The following LARP6 variants were observed in gnomAD, a reference collection of about 807,000 sequenced individuals.
LARP6 encodes la-related protein 6.
In LARP6, 18 loss-of-function variants were observed where a neutral mutation model predicts 32.8. The observed-to-expected ratio is 0.55, with a 90% CI of 0.38 to 0.81. The LOEUF (loss-of-function observed/expected upper bound fraction) is 0.81, where lower values mean the gene tolerates loss of function less well. Among genes scored for constraint, LARP6 ranks in the 40% least tolerant of loss-of-function variants. The pLI is 0.00. For missense variants in LARP6, 598 were observed against 663.1 expected, an observed-to-expected ratio of 0.90 and a Z score of 1.08; for synonymous variants, 289 against 267.2, an observed-to-expected ratio of 1.08 and a Z score of -0.80.
intron 1 of LARP6, chr15:70,851,595 G>A (rs757819479): frequency 6.3e-7 from 1 of 1,597,592 alleles, no homozygotes; most frequent in Admixed American, 1.7e-5. Context: ...ACACCATTGA[G>A]TGAGTGTGAT....
At chr15:70,843,082 A>T (rs978775766) in intron 1 of LARP6, among the ~76,000 whole-genome samples, 1 of 152,108 alleles carries the variant, frequency 6.6e-6, no homozygotes, top group Non-Finnish European at 1.5e-5. Context: ...TGTGACAATC[A>T]TTTATCTTCC....
intron 1 of LARP6, among the ~76,000 whole-genome samples, chr15:70,845,538 C>A (rs981571695): frequency 6.6e-6 from 1 of 152,170 alleles, no homozygotes; most frequent in African/African-American, 2.4e-5. Context: ...TGGATGCTAA[C>A]CTTGATCACC....
chr15:70,838,178 T>A (rs2032182243), intron 1 of LARP6, among the ~76,000 whole-genome samples: 1 of 152,226 alleles, frequency 6.6e-6, no homozygotes. Flanking sequence ...ATTTTGAATT[T>A]TTTGATTAAG....
chr15:70,839,516 G>C (rs2032212545), intron 1 of LARP6, among the ~76,000 whole-genome samples: 1 of 152,010 alleles, frequency 6.6e-6, no homozygotes, highest in Non-Finnish European at 1.5e-5. Context: ...TGTTAAAATG[G>C]GATGATAAAA....
At chr15:70,835,733 T>C (rs944119384) in intron 2 of LARP6, among the ~76,000 whole-genome samples, 1 of 152,210 alleles carries the variant, frequency 6.6e-6, no homozygotes, top group Non-Finnish European at 1.5e-5. Flanking sequence ...ACTGGATCTA[T>C]ATATGGCAGG....
At position 70,832,520 on chromosome 15, in the gene LARP6, G is replaced by A. The variant is rs552397409; in HGVS notation, c.1008C>T (p.Ala336=). Residue 336 remains alanine, a synonymous_variant, in exon 3 of 3, where the codon GCC becomes GCT. Transcript: ENST00000299213. ...TGCTCTCGGGGTCAGAGGAGCTGTT[G>A]GCAGAAGACTCATCACCCATGTACT... ...ELQYMGDESS[A]NSSSDPESNP... The A allele has an allele frequency of 2.6e-6, 4 of 1,542,876 alleles. No homozygotes were observed. Among genetic ancestry groups the A allele is most frequent in the Admixed American group, 2.1e-5 (1 of 47,924 alleles).
chr15:70,854,131 G>A lies in LARP6; in HGVS notation c.-43C>T. On this transcript the variant is annotated 5_prime_UTR_variant, in exon 1 of 3. Coordinates refer to ENST00000299213, the MANE Select transcript of LARP6 (RefSeq NM_018357.4). ...CGCCGCCGGGGTCCTCACGCCGCAA[G>A]GCCCAGCCAGCCGGTCGGCAGCGAC... is the stretch of plus-strand genomic sequence containing the variant. 1 of 1,208,398 alleles carries A rather than the reference G, an allele frequency of 8.3e-7. No individual in the cohort carries two copies. Among genetic ancestry groups the A allele is most frequent in the Non-Finnish European group, 1.0e-6 (1 of 969,408 alleles). 74.9% of individuals were successfully genotyped at this position (1,208,398 alleles called of 1,614,324 possible). A position where few individuals can be genotyped will look rare whatever the true frequency, so the allele number is the denominator to read the frequency against.
Position 70,836,403 on chromosome 15 carries a change from T to C in LARP6, c.303A>G (p.Glu101=). 6.2e-7 allele frequency: 1 copy of C among 1,614,124 alleles called. No homozygotes were observed. The highest frequency in any genetic ancestry group is 8.5e-7 in the Non-Finnish European group (1 of 1,179,984). ...ELIKKLVDQI[E]FYFSDENLEK... Reference sequence around the variant, plus strand: ...CCAGGTTTTCATCAGAAAAGTAGAATTCGATCTGATCCACCAGTTTCTTGA... The same window carrying C: ...CCAGGTTTTCATCAGAAAAGTAGAACTCGATCTGATCCACCAGTTTCTTGA... The change falls in exon 2 of 3, where the codon GAA becomes GAG. Residue 101 remains glutamate (E), a synonymous_variant. Coordinates refer to ENST00000299213, the MANE Select transcript of LARP6 (RefSeq NM_018357.4).
chr15:70,849,835 T>A (rs1347651726), intron 1 of LARP6: 2 of 152,214 alleles, frequency 1.3e-5, no homozygotes, highest in African/African-American at 4.8e-5. Flanking sequence ...AAATTATCTC[T>A]TTGAAAACTG....
chr15:70,849,944 G>A (rs1210614078), intron 1 of LARP6, among the ~76,000 whole-genome samples: 1 of 152,048 alleles, frequency 6.6e-6, no homozygotes, highest in Non-Finnish European at 1.5e-5. Context: ...AAAAAATAGA[G>A]CAATGCTGGC....
At chr15:70,834,666 C>T (rs1232989745) in intron 2 of LARP6, among the ~76,000 whole-genome samples, 1 of 152,206 alleles carries the variant, frequency 6.6e-6, no homozygotes, top group African/African-American at 2.4e-5. Flanking sequence ...ACTGAATATC[C>T]CTCCTGAGCC....
intron 1 of LARP6, among the ~76,000 whole-genome samples, chr15:70,841,924 C>T (rs2032265865): frequency 6.6e-6 from 1 of 152,172 alleles, no homozygotes; most frequent in Admixed American, 6.5e-5. Context: ...CTTCTTGCCC[C>T]TGATGCAGGA....
Position 70,844,181 on chromosome 15 carries a change from T to C in LARP6, c.201-7676A>G, listed in dbSNP as rs906562479. 2.0e-5 allele frequency among the ~76,000 whole-genome samples: 3 copies of C among 152,114 alleles called. No homozygotes were observed. In the East Asian group the frequency reaches 5.8e-4, roughly 29 times the overall value. ...CATGTTGGCCAGGCTGGTCTCAAAC[T>C]CCTGACCTCATGTGATCTGCCTGCC... On this transcript the variant is annotated intron_variant, in intron 1 of 2. Transcript: ENST00000299213.
Position 70,851,844 on chromosome 15 carries a change from G to A in LARP6, c.200+2045C>T, listed in dbSNP as rs902824486. ...AGCTCTGGGGTGGGGATTGGGGGTG[G>A]TGGAGAAGAGGCAGCGAAGTTTTAA... On this transcript the variant is annotated intron_variant, in intron 1 of 2. Transcript: ENST00000299213. 12 of 1,498,352 alleles carry A rather than the reference G, an allele frequency of 8.0e-6. No homozygotes were observed. In the African/African-American group the frequency reaches 8.4e-5, roughly 10 times the overall value. 92.8% of individuals were successfully genotyped at this position (1,498,352 alleles called of 1,614,324 possible).
In LARP6 at chr15:70,830,383, G is replaced by C. The variant is rs2032018255; in HGVS notation, c.*1669C>G. On this transcript the variant is annotated 3_prime_UTR_variant, in exon 3 of 3. Transcript: ENST00000299213. ...TCCTTATGATGGACACTGAGAGTAA[G>C]TGAAATGTGTCTAACCCAATGCCTA... 1 of 152,252 alleles carries C rather than the reference G, an allele frequency of 6.6e-6. No homozygotes were observed. The highest frequency in any genetic ancestry group is 2.1e-4 in the South Asian group (1 of 4,836). The allele number at this position is 152,252 out of a possible 1,614,324, so 9.4% of individuals were successfully genotyped here. A position where few individuals can be genotyped will look rare whatever the true frequency, so the allele number is the denominator to read the frequency against.
In LARP6 at chr15:70,836,485, C is replaced by T; in HGVS notation, c.221G>A (p.Gly74Asp). The change falls in exon 2 of 3, where the codon GGT becomes GAT. Residue 74 changes from glycine (G) to aspartate (D), a missense_variant. Physicochemically the swap from Gly to Asp is moderately conservative, Grantham distance 94 (BLOSUM62 -1). This residue lies in a region of LARP6 where 161 missense variants were observed against 148.6 expected (regional missense o/e 1.08). Transcript: ENST00000299213. ...CTCCAGGTCCTCACGCTCGTTCTCA[C>T]CTCCACTTGCAGTGGTGCCACTGAG... ...RGHSGTTASGGENEREDLEQE... is the reference protein window; with the variant it reads ...RGHSGTTASGDENEREDLEQE... The T allele has an allele frequency of 6.2e-7, 1 of 1,614,170 alleles. No individual in the cohort carries two copies. Among genetic ancestry groups the T allele is most frequent in the Admixed American group, 1.7e-5 (1 of 60,020 alleles).
chr15:70,837,427 C>T (rs2032168305), intron 1 of LARP6, among the ~76,000 whole-genome samples: 1 of 152,180 alleles, frequency 6.6e-6, no homozygotes, highest in Non-Finnish European at 1.5e-5. Context: ...CCTCTGCTGA[C>T]ATATATGTGG....
At chr15:70,847,769 C>G (rs574702233) in intron 1 of LARP6, among the ~76,000 whole-genome samples, 1 of 151,848 alleles carries the variant, frequency 6.6e-6, no homozygotes, top group Non-Finnish European at 1.5e-5. Context: ...TCGAATGATA[C>G]CCTATAGGAG....
At chr15:70,853,853 T>A in intron 1 of LARP6, 36 bp downstream of exon 1, 2 of 1,226,042 alleles carry the variant, frequency 1.6e-6, no homozygotes, top group Non-Finnish European at 2.0e-6. Context: ...CGGCGCCCCC[T>A]CGGGGCCCAC....
Sources: allele counts gnomAD v4.1 joint callset (sites outside exome capture counted in the v4.1 genomes callset), GRCh38; gene constraint gnomAD v4.1.1; regional missense constraint gnomAD v4.1.1; transcripts MANE v1.5; gene names NCBI Gene and HGNC (gene_info 2026-07-23, HGNC 2026-07-21).